ZZZ3: variants seen among roughly 807,000 people sequenced by gnomAD.
ZZZ3 encodes zinc finger ZZ-type containing 3.
A neutral mutation model predicts 95.2 loss-of-function variants in ZZZ3; 22 were observed. The ratio of observed to expected loss-of-function variants is 0.23; its 90% CI spans 0.17 to 0.33. ZZZ3 has a LOEUF of 0.33. Among genes scored for constraint, ZZZ3 ranks in the 10% least tolerant of loss-of-function variants. The pLI, the probability that ZZZ3 is intolerant of heterozygous loss-of-function variation, is 1.00. For missense variants in ZZZ3, 885 were observed against 1,066.5 expected (o/e 0.83, Z 2.37); for synonymous variants, 335 against 358.9 (o/e 0.93, Z 0.75).
chr1:77,585,604 A>T (rs187657532), intron 5 of ZZZ3, among the ~76,000 whole-genome samples: 1 of 152,346 alleles, frequency 6.6e-6, no homozygotes, highest in Non-Finnish European at 1.5e-5. Flanking sequence ...ATGGCTTCAG[A>T]TAACTTTCAT....
intron 1 of ZZZ3, among the ~76,000 whole-genome samples, chr1:77,647,909 T>C (rs749834723): frequency 2.0e-5 from 3 of 152,128 alleles, no homozygotes; most frequent in Non-Finnish European, 4.4e-5. Flanking sequence ...TATTCTGGTC[T>C]CACCTAACAA....
intron 1 of ZZZ3, among the ~76,000 whole-genome samples, chr1:77,650,134 A>T (rs1416932679): frequency 6.6e-6 from 1 of 152,184 alleles, no homozygotes; most frequent in Non-Finnish European, 1.5e-5. Context: ...GAGAAAAAGT[A>T]ATAGTAAAAA....
intron 3 of ZZZ3, among the ~76,000 whole-genome samples, 158 bp from the exon 4 acceptor site, chr1:77,639,760 A>C (rs976049361): frequency 2.6e-5 from 4 of 152,216 alleles, no homozygotes; most frequent in Non-Finnish European, 5.9e-5. Context: ...AAGAATACTA[A>C]GAAACTGAAA....
At chr1:77,658,190 A>AAC (rs1553180943) in intron 1 of ZZZ3, among the ~76,000 whole-genome samples, 4 of 151,312 alleles carry the variant, frequency 2.6e-5, no homozygotes, top group African/African-American at 4.9e-5. Flanking sequence ...AAAAAAAAAA[A>AAC]AAAAAAAAAA....
intron 5 of ZZZ3, among the ~76,000 whole-genome samples, chr1:77,625,345 TATTC>T (rs1667241403): frequency 6.6e-6 from 1 of 152,088 alleles, no homozygotes; most frequent in Admixed American, 6.5e-5. Flanking sequence ...CACTAACACA[TATTC>T]ATTCAAAGAT....
At chr1:77,633,716 G>A (rs1425392166) in intron 4 of ZZZ3, among the ~76,000 whole-genome samples, 1 of 152,078 alleles carries the variant, frequency 6.6e-6, no homozygotes, top group Non-Finnish European at 1.5e-5. Context: ...TCACGAATGA[G>A]ATTAAAGCAC....
intron 4 of ZZZ3, among the ~76,000 whole-genome samples, chr1:77,634,585 C>T (rs1570567844): frequency 6.6e-6 from 1 of 152,156 alleles, no homozygotes; most frequent in Non-Finnish European, 1.5e-5. Context: ...TTTAAGAAAT[C>T]AAGACTACTC....
At chr1:77,630,926 T>G (rs1667748537) in intron 5 of ZZZ3, among the ~76,000 whole-genome samples, 3 of 152,206 alleles carry the variant, frequency 2.0e-5, no homozygotes, top group Admixed American at 6.5e-5. Context: ...GTCTATATAA[T>G]CTGGTTGTGA....
chr1:77,666,212 A>T (rs1437567209), intron 1 of ZZZ3, among the ~76,000 whole-genome samples: 1 of 152,086 alleles, frequency 6.6e-6, no homozygotes, highest in African/African-American at 2.4e-5. Context: ...AGGGCTCACA[A>T]CCTTGTTCCA....
At chr1:77,659,390 G>A (rs2101006034) in intron 1 of ZZZ3, among the ~76,000 whole-genome samples, 1 of 151,912 alleles carries the variant, frequency 6.6e-6, no homozygotes, top group Non-Finnish European at 1.5e-5. Context: ...TGATCCAGGT[G>A]TGGTAGCTCA....
upstream of ZZZ3, among the ~76,000 whole-genome samples, chr1:77,683,111 C>T (rs202031353): frequency 1.0e-4 from 5 of 49,036 alleles, no homozygotes; most frequent in African/African-American, 3.3e-4. Context: ...GCCGTCGCAG[C>T]CGTCGCAGTC....
Position 77,582,109 on chromosome 1 carries a change from T to C in ZZZ3, c.1662A>G (p.Pro554=), listed in dbSNP as rs746718549. Residue 554 remains proline (P), a synonymous_variant, in exon 7 of 15, where the codon CCA becomes CCG. Transcript: ENST00000370801. ...GCAATTGAACAACTCTCTGTGGATA[T>C]GGAAGCCCAATATCAGCCTGGAGGC... ...KLQKKADIGL[P]YPQRVVQLPE... The C allele has an allele frequency of 2.5e-6, 4 of 1,609,208 alleles. No individual in the cohort carries two copies. The highest frequency in any genetic ancestry group is 1.1e-5 in the South Asian group (1 of 89,252).
intron 5 of ZZZ3, among the ~76,000 whole-genome samples, chr1:77,617,197 C>T (rs1189755622): frequency 3.3e-5 from 5 of 152,154 alleles, no homozygotes; most frequent in Non-Finnish European, 7.3e-5. Context: ...GCACTTAGTA[C>T]ATTCACAATG....
chr1:77,680,117 A>C (rs1290694470), intron 1 of ZZZ3, among the ~76,000 whole-genome samples: 1 of 152,236 alleles, frequency 6.6e-6, no homozygotes, highest in Non-Finnish European at 1.5e-5. Flanking sequence ...AATAAAACGT[A>C]CTTAACAAAT....
intron 5 of ZZZ3, among the ~76,000 whole-genome samples, chr1:77,623,995 A>G (rs1261675675): frequency 1.3e-5 from 2 of 152,236 alleles, no homozygotes; most frequent in African/African-American, 4.8e-5. Context: ...ACAATATCTG[A>G]TAACATGAAA....
chr1:77,570,449 T>C (rs1237865697), intron 12 of ZZZ3, among the ~76,000 whole-genome samples: 1 of 152,090 alleles, frequency 6.6e-6, no homozygotes, highest in African/African-American at 2.4e-5. Flanking sequence ...ATCCTGTCAT[T>C]TCTTAATACT....
In ZZZ3 at chr1:77,667,787, A is replaced by G. The variant is rs1321613384; in HGVS notation, c.-403+14798T>C. ...TCTTTTTTTTTTTTTTTTTTTTGAGAGAGAGTCTCGCTCTGTTGCCCAGAC... is the reference window on the plus strand; with the variant it reads ...TCTTTTTTTTTTTTTTTTTTTTGAGGGAGAGTCTCGCTCTGTTGCCCAGAC... On this transcript the variant is annotated intron_variant, in intron 1 of 14. Coordinates refer to ENST00000370801, the MANE Select transcript of ZZZ3 (RefSeq NM_015534.6). Among the ~76,000 whole-genome samples the G allele has an allele frequency of 4.5e-5, 6 of 132,334 alleles. No homozygotes were observed. In the South Asian group the frequency reaches 9.8e-4, roughly 22 times the overall value. 86.8% of individuals were successfully genotyped at this position (132,334 alleles called of 152,430 possible).
chr1:77,633,194 G>A lies in ZZZ3; in HGVS notation c.161C>T (p.Pro54Leu), dbSNP rs1667969395. 1 of 1,614,094 alleles carries A rather than the reference G, an allele frequency of 6.2e-7. No homozygotes were observed. The highest frequency in any genetic ancestry group is 2.2e-5 in the East Asian group (1 of 44,874). ...QVRSRSPKKR[P>L]EPVPIQKGNN... ...TCCTTTCTGAATTGGCACAGGCTCT[G>A]GTCTCTTCTTTGGTGATCTTGATCG... The change falls in exon 5 of 15, where the codon CCA (proline) becomes CTA (leucine). Residue 54 changes from proline (P) to leucine (L), a missense_variant. Pro to Leu is a moderately conservative substitution (Grantham distance 98). Transcript: ENST00000370801.
intron 12 of ZZZ3, among the ~76,000 whole-genome samples, chr1:77,572,361 CG>C (rs1440236047): frequency 6.6e-6 from 1 of 152,056 alleles, no homozygotes; most frequent in Non-Finnish European, 1.5e-5. Context: ...TTTTTTGAGA[CG>C]GAGTCTCACT....
Sources: allele counts gnomAD v4.1 joint callset (sites outside exome capture counted in the v4.1 genomes callset), GRCh38; gene constraint gnomAD v4.1.1; transcripts MANE v1.5; gene names NCBI Gene and HGNC (gene_info 2026-07-23, HGNC 2026-07-21).